The following COL6A6 variants were observed in gnomAD, a reference collection of about 807,000 sequenced individuals.
The protein encoded by COL6A6 is collagen alpha-6(VI) chain.
COL6A6 carries 183 observed loss-of-function variants against 208.6 expected under a neutral mutation model. The ratio of observed to expected loss-of-function variants is 0.88; its 90% CI spans 0.78 to 0.99. The LOEUF is 0.99. Among genes scored for constraint, COL6A6 ranks in the 50% least tolerant of loss-of-function variants. The pLI is 0.00. For missense variants in COL6A6, 2,816 were observed against 2,815.2 expected (o/e 1.00, Z -0.01); for synonymous variants, 973 against 1,011.8 (o/e 0.96, Z 0.73).
intron 1 of COL6A6, among the ~76,000 whole-genome samples, chr3:130,550,616 A>G (rs2062620424): frequency 6.6e-6 from 1 of 152,226 alleles, no homozygotes; most frequent in African/African-American, 2.4e-5. Flanking sequence ...AAAATGAGGA[A>G]GAAGCAGAAG....
At chr3:130,586,400 GTTC>G (rs1427914309) in intron 10 of COL6A6, 103 bp from the exon 11 acceptor site, 12 of 977,582 alleles carry the variant, frequency 1.2e-5, no homozygotes, top group South Asian at 3.9e-5. Context: ...TAAACTGACT[GTTC>G]TTCTTGCAGC....
chr3:130,550,368 C>A (rs534630974), intron 1 of COL6A6, among the ~76,000 whole-genome samples: 2 of 152,260 alleles, frequency 1.3e-5, no homozygotes, highest in South Asian at 4.2e-4. Flanking sequence ...GAGAGACCAT[C>A]CTTGTTTTGT....
intron 33 of COL6A6, among the ~76,000 whole-genome samples, chr3:130,655,841 A>G (rs1039400464): frequency 2.6e-5 from 4 of 152,166 alleles, no homozygotes; most frequent in Non-Finnish European, 5.9e-5. Flanking sequence ...CCACCCATTC[A>G]GCCTGGCAGG....
Position 130,634,667 on chromosome 3 carries a change from C to T in COL6A6, c.5028+42C>T, listed in dbSNP as rs189752762. 2,790 of 1,480,316 alleles carry T rather than the reference C, an allele frequency of 1.9e-3. 4 individuals are homozygous for T. Among genetic ancestry groups the T allele is most frequent in the Non-Finnish European group, 2.3e-3 (2,498 of 1,069,182 alleles). The allele number at this position is 1,480,316 out of a possible 1,614,324, so 91.7% of individuals were successfully genotyped here. On this transcript the variant is annotated intron_variant, in intron 27 of 36. Coordinates refer to ENST00000358511, the MANE Select transcript of COL6A6 (RefSeq NM_001102608.3). ...AGTAACTAGAGATCAGTCAGAAATA[C>T]TCCTGGGGTTTATGAAATGTATCCT...
At chr3:130,556,382 A>G (rs1275699990) in intron 1 of COL6A6, among the ~76,000 whole-genome samples, 7 of 151,960 alleles carry the variant, frequency 4.6e-5, no homozygotes, top group African/African-American at 1.7e-4. Flanking sequence ...ATATTCCTTT[A>G]TTTTCTGCTC....
chr3:130,663,049 CT>C (rs1445466777), intron 35 of COL6A6, among the ~76,000 whole-genome samples: 2 of 152,138 alleles, frequency 1.3e-5, no homozygotes, highest in African/African-American at 4.8e-5. Flanking sequence ...TAAATGATCC[CT>C]TGCAGTCCAG....
At chr3:130,613,873 A>T (rs927045400) in intron 23 of COL6A6, among the ~76,000 whole-genome samples, 1 of 152,168 alleles carries the variant, frequency 6.6e-6, no homozygotes, top group African/African-American at 2.4e-5. Flanking sequence ...TTTGTATCCT[A>T]GAACTTTGCT....
At chr3:130,538,337 G>C (rs1577637353) in intron 1 of COL6A6, among the ~76,000 whole-genome samples, 2 of 152,322 alleles carry the variant, frequency 1.3e-5, no homozygotes, top group African/African-American at 4.8e-5. Flanking sequence ...CATGTTAAGA[G>C]TTGAAAATGT....
intron 1 of COL6A6, among the ~76,000 whole-genome samples, chr3:130,553,038 G>T (rs1356556545): frequency 2.0e-5 from 3 of 152,170 alleles, no homozygotes; most frequent in Non-Finnish European, 4.4e-5. Context: ...GGTTCCCTTT[G>T]TACATGACCT....
At chr3:130,667,554 T>G (rs1012691911) in intron 36 of COL6A6, among the ~76,000 whole-genome samples, 4 of 152,240 alleles carry the variant, frequency 2.6e-5, no homozygotes, top group Non-Finnish European at 5.9e-5. Context: ...AAATGCATTT[T>G]TAAGTAATAT....
intron 24 of COL6A6, 71 bp from the exon 25 acceptor site, chr3:130,626,414 C>A: frequency 9.5e-7 from 1 of 1,054,944 alleles, no homozygotes; most frequent in South Asian, 1.3e-5. Context: ...TGTGTGTGAT[C>A]CACACAGATG....
At chr3:130,547,001 C>T (rs2062522279) in intron 1 of COL6A6, among the ~76,000 whole-genome samples, 1 of 152,268 alleles carries the variant, frequency 6.6e-6, no homozygotes, top group Admixed American at 6.5e-5. Flanking sequence ...AGCTGGCTTC[C>T]CCTAGTGGAT....
intron 7 of COL6A6, 37 bp from the exon 8 acceptor site, chr3:130,573,919 A>C: frequency 3.5e-6 from 5 of 1,426,540 alleles, no homozygotes; most frequent in Non-Finnish European, 4.9e-6. Context: ...AAAGAATAAC[A>C]ATCTGGGTTT....
intron 12 of COL6A6, among the ~76,000 whole-genome samples, chr3:130,590,599 G>A (rs1432875177): frequency 1.3e-5 from 2 of 151,152 alleles, no homozygotes; most frequent in African/African-American, 2.4e-5. Flanking sequence ...ACGGAGTCTC[G>A]CTCTGCCGCC....
At chr3:130,517,085 G>T (rs936386466), upstream of COL6A6, among the ~76,000 whole-genome samples, 2 of 152,220 alleles carry the variant, frequency 1.3e-5, no homozygotes, top group African/African-American at 2.4e-5. Context: ...CCTCCTGGGG[G>T]ACGTGCGCTG....
At chr3:130,549,300 G>C (rs924224617) in intron 1 of COL6A6, among the ~76,000 whole-genome samples, 1 of 152,144 alleles carries the variant, frequency 6.6e-6, no homozygotes, top group Non-Finnish European at 1.5e-5. Context: ...CTTTTGAGAA[G>C]CTTGTGCCAC....
intron 32 of COL6A6, among the ~76,000 whole-genome samples, chr3:130,648,245 T>C (rs2065518118): frequency 6.6e-6 from 1 of 152,250 alleles, no homozygotes; most frequent in South Asian, 2.1e-4. Flanking sequence ...TTTGTAACTG[T>C]TAAACAAAAA....
At chr3:130,642,797 G>A (rs1446221164) in intron 29 of COL6A6, 35 bp from the exon 30 acceptor site, 1 of 1,605,502 alleles carries the variant, frequency 6.2e-7, no homozygotes. Context: ...TGTATGTCTA[G>A]AGGCATTAAA....
In COL6A6 at chr3:130,598,354, T is replaced by G; in HGVS notation, c.4534-11T>G. The G allele has an allele frequency of 6.6e-7, 1 of 1,525,246 alleles. No homozygotes were observed. The highest frequency in any genetic ancestry group is 8.9e-7 in the Non-Finnish European group (1 of 1,124,512). 94.5% of individuals were successfully genotyped at this position (1,525,246 alleles called of 1,614,324 possible). A position where few individuals can be genotyped will look rare whatever the true frequency, so the allele number is the denominator to read the frequency against. ...AATATATTAATTTTTCTCTTTATTT[T>G]CTATTTTTAGGGAGCTCCTGGAGTT... On this transcript the variant is annotated splice_polypyrimidine_tract_variant and intron_variant, in intron 18 of 36. Transcript: ENST00000358511.
Sources: gnomAD v4.1 joint callset for allele counts (sites outside exome capture counted in the v4.1 genomes callset) on GRCh38, gnomAD v4.1.1 for gene constraint, MANE v1.5 for transcripts, NCBI Gene and HGNC (gene_info 2026-07-23, HGNC 2026-07-21) for gene names.